The following RAP1GAP2 variants were observed in gnomAD, a reference collection of about 807,000 sequenced individuals.
RAP1GAP2 encodes the protein RAP1 GTPase activating protein 2.
RAP1GAP2 carries 27 observed loss-of-function variants against 95.0 expected under a neutral mutation model. That is an observed-to-expected ratio of 0.28 (90% CI 0.21 to 0.39). The LOEUF (loss-of-function observed/expected upper bound fraction) is 0.39, where lower values mean the gene tolerates loss of function less well. Ranked by LOEUF, RAP1GAP2 falls within the 10% of genes least tolerant of loss-of-function variation. RAP1GAP2 has a pLI of 1.00. For missense variants in RAP1GAP2, 771 were observed against 970.0 expected, an observed-to-expected ratio of 0.79 and a Z score of 2.72; for synonymous variants, 373 against 380.9, an observed-to-expected ratio of 0.98 and a Z score of 0.24.
At chr17:2,940,263 C>G (rs2151429469) in intron 3 of RAP1GAP2, among the ~76,000 whole-genome samples, 1 of 152,204 alleles carries the variant, frequency 6.6e-6, no homozygotes, top group East Asian at 1.9e-4. Context: ...AGAGGGGCCT[C>G]TGGGTGGGGG....
At chr17:2,919,627 T>G (rs1243318101) in intron 3 of RAP1GAP2, among the ~76,000 whole-genome samples, 1 of 152,034 alleles carries the variant, frequency 6.6e-6, no homozygotes, top group Non-Finnish European at 1.5e-5. Context: ...TGGCCCATGG[T>G]CTGGGGGGTC....
In RAP1GAP2 at chr17:3,003,224, C is replaced by T. The variant is rs1218227226; in HGVS notation, c.1201-2145C>T. 6.6e-6 allele frequency among the ~76,000 whole-genome samples: 1 copy of T among 152,124 alleles called. No homozygotes were observed. Among genetic ancestry groups the T allele is most frequent in the Non-Finnish European group, 1.5e-5 (1 of 68,022 alleles). On this transcript the variant is annotated intron_variant, in intron 14 of 24. Transcript: ENST00000254695. The surrounding 1 kb of genome is among the most constrained non-coding windows in gnomAD (Gnocchi z 4.1). ...CTGCTTGCGGTCTTGGTCATTGAGCCATCAGAGCAGGCGAGAAATTGGCTC... is the reference window on the plus strand; with the variant it reads ...CTGCTTGCGGTCTTGGTCATTGAGCTATCAGAGCAGGCGAGAAATTGGCTC...
At chr17:2,888,310 A>G (rs2073570802) in intron 2 of RAP1GAP2, among the ~76,000 whole-genome samples, 1 of 152,206 alleles carries the variant, frequency 6.6e-6, no homozygotes, top group African/African-American at 2.4e-5. Context: ...CTATTTGAAA[A>G]TATACAATAA....
rs2047152998 is a variant in RAP1GAP2, at chr17:3,027,220, TG to T, written c.2107+151del. 1 of 1,036,640 alleles carries T rather than the reference TG, an allele frequency of 9.6e-7. No homozygotes were observed. 64.2% of individuals were successfully genotyped at this position (1,036,640 alleles called of 1,614,324 possible). A position where few individuals can be genotyped will look rare whatever the true frequency, so the allele number is the denominator to read the frequency against. On this transcript the variant is annotated intron_variant, in intron 22 of 24. Coordinates refer to ENST00000254695, the MANE Select transcript of RAP1GAP2 (RefSeq NM_015085.5). This position sits in a 1 kb window ranked among gnomAD's most constrained non-coding sequence, Gnocchi z 5.2. ...CTCCGCTCTGTGCGCCCGCCTCTTC[TG>T]TTCATCAGCCTTAAGATGCCCAAGT...
chr17:2,893,022 CTTTTTCT>C (rs1476834917), intron 2 of RAP1GAP2, among the ~76,000 whole-genome samples: 5 of 151,716 alleles, frequency 3.3e-5, no homozygotes, highest in African/African-American at 9.7e-5. Context: ...TTCTTTTTCT[CTTTTTCT>C]TTTTTCTTTT....
chr17:2,765,399 TC>T (rs1436565010), intron 1 of RAP1GAP2, among the ~76,000 whole-genome samples: 2 of 151,984 alleles, frequency 1.3e-5, no homozygotes, highest in Non-Finnish European at 2.9e-5. Flanking sequence ...GGCAGGAGGA[TC>T]GCTTGAGCCC....
chr17:2,796,487 G>T lies in RAP1GAP2; in HGVS notation c.-41G>T, dbSNP rs373016873. The T allele has an allele frequency of 2.6e-6, 4 of 1,551,770 alleles. No individual in the cohort carries two copies. The East Asian group carries it at 9.7e-5, about 38-fold the overall frequency. ...TCTTGCGGACAGCCCCGGGGACGTC[G>T]TTGGGACATCGCTGGGACCCCGGGC... On this transcript the variant is annotated 5_prime_UTR_variant, in exon 1 of 25. Coordinates refer to ENST00000254695, the MANE Select transcript of RAP1GAP2 (RefSeq NM_015085.5). This position sits in a 1 kb window ranked among gnomAD's most constrained non-coding sequence, Gnocchi z 4.7.
rs3039128 is a variant in RAP1GAP2 at position 2,889,889 on chromosome 17, A to ATTTTTT, written c.81-15385_81-15380dup. On this transcript the variant is annotated intron_variant, in intron 2 of 24. Coordinates refer to ENST00000254695, the MANE Select transcript of RAP1GAP2 (RefSeq NM_015085.5). Reference sequence around the variant, plus strand: ...TATATATATATATATATATATATATATTTTTTTTTTTTTTTGTAGAGATGG... The same window carrying ATTTTTT: ...TATATATATATATATATATATATATATTTTTTTTTTTTTTTTTTTTTGTAGAGATGG... Among the ~76,000 whole-genome samples, 40 of 57,264 alleles carry ATTTTTT rather than the reference A, an allele frequency of 7.0e-4. 1 individual carries two copies. The highest frequency in any genetic ancestry group is 1.7e-3 in the Admixed American group (6 of 3,556). The allele number at this position is 57,264 out of a possible 152,430, so 37.6% of individuals were successfully genotyped here. A position where few individuals can be genotyped will look rare whatever the true frequency, so the allele number is the denominator to read the frequency against.
intron 8 of RAP1GAP2, 53 bp from the exon 9 acceptor site, chr17:2,980,234 C>T (rs2045306758): frequency 2.0e-5 from 32 of 1,567,994 alleles, no homozygotes; most frequent in South Asian, 4.5e-5. Context: ...CGAGTCCCCG[C>T]GCCCTCACTG....
chr17:2,956,968 A>T (rs2044131580), intron 3 of RAP1GAP2, among the ~76,000 whole-genome samples: 1 of 152,092 alleles, frequency 6.6e-6, no homozygotes, highest in South Asian at 2.1e-4. Flanking sequence ...CTCTACTAAA[A>T]ATACAAAAAA....
chr17:2,978,313 G>A (rs190940633), intron 8 of RAP1GAP2, among the ~76,000 whole-genome samples: 6 of 152,220 alleles, frequency 3.9e-5, no homozygotes, highest in East Asian at 1.9e-4. Flanking sequence ...CTTTGGGGCC[G>A]TTATTAGTAT....
At chr17:2,927,368 T>G (rs185767502) in intron 3 of RAP1GAP2, among the ~76,000 whole-genome samples, 1 of 151,978 alleles carries the variant, frequency 6.6e-6, no homozygotes, top group East Asian at 2.0e-4. Flanking sequence ...TTAGCCAGGA[T>G]GGTCTCGATC....
At chr17:2,859,434 A>T (rs1001662876) in intron 2 of RAP1GAP2, among the ~76,000 whole-genome samples, 7 of 151,342 alleles carry the variant, frequency 4.6e-5, no homozygotes, top group East Asian at 3.9e-4. Context: ...TTTTAAAAAA[A>T]TTTTAATTTA....
chr17:2,790,766 C>T (rs2068902624), intron 1 of RAP1GAP2, among the ~76,000 whole-genome samples: 1 of 152,222 alleles, frequency 6.6e-6, no homozygotes, highest in Non-Finnish European at 1.5e-5. Context: ...GCTGCTCGAG[C>T]AGAGGAAACC....
intron 2 of RAP1GAP2, among the ~76,000 whole-genome samples, chr17:2,889,948 T>C (rs2073652153): frequency 6.9e-6 from 1 of 144,324 alleles, no homozygotes; most frequent in South Asian, 2.3e-4. Flanking sequence ...GGTCTTGAAC[T>C]CCTGACCTCA....
chr17:2,810,265 C>T (rs748947293), intron 2 of RAP1GAP2, among the ~76,000 whole-genome samples: 23 of 151,930 alleles, frequency 1.5e-4, no homozygotes, highest in South Asian at 6.2e-4. Context: ...TCCCTGGGGG[C>T]GCTGGGAGAG....
chr17:2,941,146 A>C lies in RAP1GAP2; in HGVS notation c.166-16613A>C, dbSNP rs541205988. ...GCCGGGAACGGTGGCTCACGCCTGT[A>C]ATCCCAGCACTTTGGGAGGCCGAAG... On this transcript the variant is annotated intron_variant, in intron 3 of 24. Coordinates refer to ENST00000254695, the MANE Select transcript of RAP1GAP2 (RefSeq NM_015085.5). Among the ~76,000 whole-genome samples, 12 of 152,330 alleles carry C rather than the reference A, an allele frequency of 7.9e-5. No homozygotes were observed. In the South Asian group the frequency reaches 8.3e-4, roughly 11 times the overall value.
intron 3 of RAP1GAP2, among the ~76,000 whole-genome samples, chr17:2,909,961 G>A (rs1394708612): frequency 6.6e-6 from 1 of 152,176 alleles, no homozygotes; most frequent in Non-Finnish European, 1.5e-5. Flanking sequence ...GCTGCAGTTA[G>A]GAGTCTGTCT....
chr17:2,960,882 C>T (rs962941192), intron 4 of RAP1GAP2, among the ~76,000 whole-genome samples: 13 of 152,380 alleles, frequency 8.5e-5, no homozygotes, highest in Admixed American at 8.5e-4. Context: ...ACGTGTTCCC[C>T]TCCTGCACAA....
Sources: allele counts gnomAD v4.1 joint callset (sites outside exome capture counted in the v4.1 genomes callset), GRCh38; gene constraint gnomAD v4.1.1; non-coding constraint Gnocchi (gnomAD v3.1); transcripts MANE v1.5; gene names NCBI Gene and HGNC (gene_info 2026-07-23, HGNC 2026-07-21).